The following PSMG4 variants were observed in gnomAD, a reference collection of about 807,000 sequenced individuals.
PSMG4 encodes the protein proteasome assembly chaperone 4.
A neutral mutation model predicts 11.0 loss-of-function variants in PSMG4; 10 were observed. The ratio of observed to expected loss-of-function variants is 0.91; its 90% CI spans 0.56 to 1.54. The LOEUF (loss-of-function observed/expected upper bound fraction) is 1.54. PSMG4 is among the 40% of genes most tolerant of loss of function. The pLI, the probability that PSMG4 is intolerant of heterozygous loss-of-function variation, is 0.00. For synonymous variants in PSMG4, 95 were observed against 71.3 expected (o/e 1.33, Z -1.68); for missense variants, 198 against 160.9 (o/e 1.23, Z -1.25).
intron 1 of PSMG4, among the ~76,000 whole-genome samples, chr6:3,259,986 C>T (rs1288723366): frequency 6.6e-6 from 1 of 152,156 alleles, no homozygotes; most frequent in Non-Finnish European, 1.5e-5. Context: ...GTCACCCAGG[C>T]TGGGGTACAG....
At chr6:3,264,501 G>C in intron 2 of PSMG4, 2 of 1,259,674 alleles carry the variant, frequency 1.6e-6, no homozygotes, top group South Asian at 3.1e-5. Flanking sequence ...GAACCTCTGT[G>C]TCAGTCACAC....
intron 2 of PSMG4, chr6:3,266,819 G>A (rs957148084): frequency 1.3e-5 from 2 of 148,646 alleles, no homozygotes; most frequent in Non-Finnish European, 3.0e-5. Context: ...TGGTTGGGGT[G>A]GGGTGGTGCT....
chr6:3,258,975 C>T lies in PSMG4; in HGVS notation c.-48C>T, dbSNP rs1185331789. 5 of 1,233,756 alleles carry T rather than the reference C, an allele frequency of 4.1e-6. No homozygotes were observed. The highest frequency in any genetic ancestry group is 4.2e-5 in the Admixed American group (1 of 23,666). 76.4% of individuals were successfully genotyped at this position (1,233,756 alleles called of 1,614,324 possible). A position where few individuals can be genotyped will look rare whatever the true frequency, so the allele number is the denominator to read the frequency against. ...CCATCGGGTCTGGCGGGGCTGGCAG[C>T]GGCGAGGACCCGGGTCTGGCGCTGT... On this transcript the variant is annotated 5_prime_UTR_variant, in exon 1 of 3. Coordinates refer to ENST00000438998, the MANE Select transcript of PSMG4 (RefSeq NM_001128591.2).
chr6:3,256,720 CTG>C (rs1292311041), upstream of PSMG4, among the ~76,000 whole-genome samples: 2 of 152,252 alleles, frequency 1.3e-5, no homozygotes, highest in African/African-American at 2.4e-5. Context: ...CCTGGGCACT[CTG>C]GAGCCAAAAT....
At chr6:3,254,919 T>C (rs929928930), upstream of PSMG4, 8 of 984,446 alleles carry the variant, frequency 8.1e-6, no homozygotes, top group Non-Finnish European at 1.2e-5. Flanking sequence ...GAGCTGGTGC[T>C]TCAGCCATTC....
upstream of PSMG4, chr6:3,258,846 A>G (rs1229415691): frequency 7.6e-6 from 4 of 528,686 alleles, no homozygotes; most frequent in Non-Finnish European, 8.6e-6. Flanking sequence ...CGCCTCGACC[A>G]CGCCCCCAAC....
intron 2 of PSMG4, chr6:3,264,484 C>A: frequency 7.6e-7 from 1 of 1,319,316 alleles, no homozygotes; most frequent in Non-Finnish European, 1.0e-6. Flanking sequence ...TGGTACCTGA[C>A]AAGCAGGAAC....
intron 2 of PSMG4, chr6:3,264,352 C>T: frequency 1.3e-6 from 2 of 1,541,584 alleles, no homozygotes; most frequent in Non-Finnish European, 1.8e-6. Context: ...CTCTGCGACC[C>T]CCAGCCCCAG....
intron 2 of PSMG4, chr6:3,264,344 C>T (rs1758106706): frequency 1.3e-5 from 20 of 1,545,856 alleles, no homozygotes; most frequent in East Asian, 7.3e-5. Flanking sequence ...TCCATGTGCT[C>T]TGCGACCCCC....
upstream of PSMG4, among the ~76,000 whole-genome samples, chr6:3,257,692 A>G (rs964181918): frequency 6.6e-6 from 1 of 152,208 alleles, no homozygotes; most frequent in Non-Finnish European, 1.5e-5. Context: ...TGGAAAATGC[A>G]GACTAATCTG....
intron 2 of PSMG4, chr6:3,264,702 T>C (rs1030743499): frequency 6.0e-6 from 1 of 166,100 alleles, no homozygotes; most frequent in Admixed American, 6.4e-5. Context: ...GTAAGTTAAT[T>C]TGGTAATTTT....
upstream of PSMG4, among the ~76,000 whole-genome samples, chr6:3,256,474 C>T (rs4339508): frequency 6.6e-6 from 1 of 152,136 alleles, no homozygotes; most frequent in South Asian, 2.1e-4. Flanking sequence ...GTTGCATCTT[C>T]CTCCTCCTGT....
At position 3,262,109 on chromosome 6, in the gene PSMG4, A is replaced by G. The variant is rs575545425; in HGVS notation, c.175-1575A>G. The stretch of plus-strand genomic sequence containing the variant: ...TGCAGGACTAGTGACACTGAGTCCT[A>G]CCAGCTTGAGGGAAGCTGGCCTGGG... On this transcript the variant is annotated intron_variant, in intron 1 of 2. Transcript: ENST00000438998. Among the ~76,000 whole-genome samples, 7 of 152,264 alleles carry G rather than the reference A, an allele frequency of 4.6e-5. No homozygotes were observed. The East Asian group carries it at 1.4e-3, about 29-fold the overall frequency.
intron 2 of PSMG4, 45 bp downstream of exon 2, chr6:3,263,804 C>A: frequency 2.6e-6 from 4 of 1,536,586 alleles, no homozygotes; most frequent in South Asian, 2.4e-5. Flanking sequence ...AGGTGGGGCC[C>A]ACTCTTTAAT....
Position 3,267,591 on chromosome 6 carries a change from C to T in PSMG4, c.251C>T (p.Ala84Val). 2.6e-6 allele frequency: 4 copies of T among 1,551,150 alleles called. No individual in the cohort carries two copies. Among genetic ancestry groups the T allele is most frequent in the Non-Finnish European group, 3.5e-6 (4 of 1,146,658 alleles). ...TTSTGLAQRLARKTNKQVFVS... is the reference protein window; with the variant it reads ...TTSTGLAQRLVRKTNKQVFVS... ...GTATCAATGTGTTTTCTCTTTTTAG[C>T]CAGGAAGACCAACAAACAGGTGTTT... The change falls in exon 3 of 3, where the codon GCC becomes GTC. Residue 84 changes from alanine (A) to valine (V), a missense_variant and splice_region_variant. Ala to Val is a moderately conservative substitution (Grantham distance 64, BLOSUM62 0). Coordinates refer to ENST00000438998, the MANE Select transcript of PSMG4 (RefSeq NM_001128591.2).
At chr6:3,260,446 G>A (rs1273186291) in intron 1 of PSMG4, among the ~76,000 whole-genome samples, 1 of 151,712 alleles carries the variant, frequency 6.6e-6, no homozygotes, top group East Asian at 1.9e-4. Flanking sequence ...GAGCCATCAC[G>A]CCGGGCTAAT....
rs1758253935 is a variant in PSMG4 at position 3,267,766 on chromosome 6, A to C, written c.*54A>C. The C allele has an allele frequency of 6.6e-7, 1 of 1,509,386 alleles. No homozygotes were observed. Among genetic ancestry groups the C allele is most frequent in the Admixed American group, 2.1e-5 (1 of 48,002 alleles). The allele number at this position is 1,509,386 out of a possible 1,614,324, so 93.5% of individuals were successfully genotyped here. A position where few individuals can be genotyped will look rare whatever the true frequency, so the allele number is the denominator to read the frequency against. ...CTTATGTACAATGTACGTGTAAATA[A>C]ATGGATTGAATTTCAGTTTGTCATC... On this transcript the variant is annotated 3_prime_UTR_variant, in exon 3 of 3. Transcript: ENST00000438998.
chr6:3,258,908 G>A (rs1581545696), upstream of PSMG4: 1 of 1,068,204 alleles, frequency 9.4e-7, no homozygotes, highest in Non-Finnish European at 1.2e-6. Flanking sequence ...CCGCCCTTCC[G>A]GGGCCGAAAG....
chr6:3,255,070 A>C (rs781022319), upstream of PSMG4: 4 of 1,550,998 alleles, frequency 2.6e-6, no homozygotes, highest in Non-Finnish European at 3.5e-6. Flanking sequence ...CACTTGGAAT[A>C]TGCTTCTATT....
Sources: allele counts gnomAD v4.1 joint callset (sites outside exome capture counted in the v4.1 genomes callset), GRCh38; gene constraint gnomAD v4.1.1; transcripts MANE v1.5; gene names NCBI Gene and HGNC (gene_info 2026-07-23, HGNC 2026-07-21).